Variants in RPGR observed in about 807,000 individuals in gnomAD.
RPGR encodes retinitis pigmentosa GTPase regulator, also known as X-linked retinitis pigmentosa GTPase regulator.
RPGR carries 10 observed loss-of-function variants against 56.3 expected under a neutral mutation model. That is an observed-to-expected ratio of 0.18 (90% CI 0.11 to 0.30). RPGR has a LOEUF of 0.30. Ranked by LOEUF, RPGR falls within the 10% of genes least tolerant of loss-of-function variation. The pLI, the probability that RPGR is intolerant of heterozygous loss-of-function variation, is 1.00. For synonymous variants in RPGR, 197 were observed against 212.9 expected (o/e 0.93, Z 0.65); for missense variants, 538 against 590.9 (o/e 0.91, Z 0.93).
chrX:38,327,345 A>G lies in RPGR; in HGVS notation c.23T>C (p.Met8Thr). The G allele has an allele frequency of 8.4e-7, 1 of 1,190,774 alleles. No individual in the cohort carries two copies. The highest frequency in any genetic ancestry group is 1.1e-6 in the Non-Finnish European group (1 of 886,711). ...CCGGCGCGGGCGCAACTCACCGGGC[A>G]TCAGCTCTTCCGGCTCCCTCATGCC... is the stretch of plus-strand genomic sequence containing the variant. Residue 8 changes from methionine (M) to threonine (T), a missense_variant, in exon 1 of 19, where the codon ATG (methionine) becomes ACG (threonine). Physicochemically the swap from Met to Thr is moderately conservative, Grantham distance 81 (BLOSUM62 -1). This residue lies in a region of RPGR where 181 missense variants were observed against 265.1 expected (regional missense o/e 0.68). Coordinates refer to ENST00000642395, the MANE Select transcript of RPGR (RefSeq NM_000328.3).
intron 11 of RPGR, among the ~76,000 whole-genome samples, chrX:38,295,083 C>T (rs955530156): frequency 3.6e-5 from 4 of 112,086 alleles, no homozygotes; most frequent in Non-Finnish European, 7.5e-5. Flanking sequence ...AGGTCTCTCA[C>T]GGCCTATAAA....
At chrX:38,311,745 C>T (rs1211022651) in intron 6 of RPGR, among the ~76,000 whole-genome samples, 1 of 111,500 alleles carries the variant, frequency 9.0e-6, no homozygotes, top group Non-Finnish European at 1.9e-5. Flanking sequence ...TATTGAGGGT[C>T]CTGAGTTTCA....
rs1401336377 is a variant in RPGR, at chrX:38,327,322, G to A, written c.28+18C>T. The A allele has an allele frequency of 5.1e-6, 6 of 1,181,683 alleles. No individual in the cohort carries two copies. Among genetic ancestry groups the A allele is most frequent in the Admixed American group, 2.3e-5 (1 of 43,232 alleles). On this transcript the variant is annotated intron_variant, in intron 1 of 18. Coordinates refer to ENST00000642395, the MANE Select transcript of RPGR (RefSeq NM_000328.3). The stretch of plus-strand genomic sequence containing the variant: ...CCCTCCCTCCCGGCCTTCCGCCACC[G>A]GCGCGGGCGCAACTCACCGGGCATC...
chrX:38,302,241 T>C (rs1272774198), intron 8 of RPGR, among the ~76,000 whole-genome samples: 1 of 110,898 alleles, frequency 9.0e-6, no homozygotes, highest in Non-Finnish European at 1.9e-5. Context: ...GAAGCAGAAG[T>C]AAGGGGTGTT....
chrX:38,281,751 AACC>A (rs887413624), intron 15 of RPGR, among the ~76,000 whole-genome samples: 10 of 111,450 alleles, frequency 9.0e-5, no homozygotes, highest in African/African-American at 1.3e-4. Flanking sequence ...GTCAAATAAC[AACC>A]ACCACCACCA....
At chrX:38,293,221 C>T (rs747994071) in intron 11 of RPGR, among the ~76,000 whole-genome samples, 4 of 111,206 alleles carry the variant, frequency 3.6e-5, no homozygotes, top group Admixed American at 1.9e-4. Context: ...TCTTAGGCTT[C>T]CTGGGCCATA....
Position 38,297,405 on chromosome X carries a change from T to C in RPGR, c.1293A>G (p.Ile431Met). The change falls in exon 11 of 19, where the codon ATA becomes ATG. Residue 431 changes from isoleucine to methionine, a missense_variant. By Grantham distance (10) the Ile-to-Met change is conservative. This residue lies in a region of RPGR where 357 missense variants were observed against 325.8 expected (regional missense o/e 1.10). Coordinates refer to ENST00000642395, the MANE Select transcript of RPGR (RefSeq NM_000328.3). The stretch of plus-strand genomic sequence containing the variant: ...AAGCAGAAAGGCCAAGAGTCCCTTC[T>C]ATTGGAGGTAGTGTTCTCCTCATTG... 8.3e-7 allele frequency: 1 copy of C among 1,209,555 alleles called. No homozygotes were observed.
chrX:38,293,853 T>C (rs1181718955), intron 11 of RPGR, among the ~76,000 whole-genome samples: 1 of 111,651 alleles, frequency 9.0e-6, no homozygotes, highest in African/African-American at 3.3e-5. Context: ...CAACTTTCCT[T>C]ATACTTTCTC....
At chrX:38,321,479 C>A (rs1004200507) in intron 3 of RPGR, among the ~76,000 whole-genome samples, 10 of 110,626 alleles carry the variant, frequency 9.0e-5, no homozygotes, top group Non-Finnish European at 1.5e-4. Context: ...ATGGTGAAAC[C>A]CCTTCTCTAC....
Position 38,289,534 on chromosome X carries a change from T to C in RPGR, c.1572+1425A>G, listed in dbSNP as rs757137119. ...TATCTAATGAATTTGGGTCTCTGGA[T>C]AGTAAAACCTCACTAATTCAAATTT... On this transcript the variant is annotated intron_variant, in intron 13 of 18. Coordinates refer to ENST00000642395, the MANE Select transcript of RPGR (RefSeq NM_000328.3). 9.8e-5 allele frequency among the ~76,000 whole-genome samples: 11 copies of C among 112,445 alleles called. No homozygotes were observed. The South Asian group carries it at 4.0e-3, about 41-fold the overall frequency.
chrX:38,320,640 A>AACAC (rs72350829), intron 4 of RPGR, among the ~76,000 whole-genome samples: 1 of 108,911 alleles, frequency 9.2e-6, no homozygotes, highest in Non-Finnish European at 1.9e-5. Context: ...AATTTCTACA[A>AACAC]ACACACACAC....
chrX:38,288,587 C>T (rs770814787), intron 13 of RPGR, among the ~76,000 whole-genome samples: 5 of 110,687 alleles, frequency 4.5e-5, no homozygotes, highest in African/African-American at 1.6e-4. Context: ...TGCCTGTAAT[C>T]CCAGCTACTC....
At chrX:38,286,360 T>C (rs1335380219) in intron 15 of RPGR, 1 of 711,448 alleles carries the variant, frequency 1.4e-6, no homozygotes, top group Non-Finnish European at 1.7e-6. Flanking sequence ...TCCTTCCTCC[T>C]CTTCCCCCTC....
At chrX:38,282,023 TATC>T (rs1426395680) in intron 15 of RPGR, among the ~76,000 whole-genome samples, 3 of 112,175 alleles carry the variant, frequency 2.7e-5, no homozygotes, top group African/African-American at 6.5e-5. Context: ...GAACAAAATT[TATC>T]ATCTTTTCCC....
intron 15 of RPGR, among the ~76,000 whole-genome samples, chrX:38,283,934 A>G (rs189322975): frequency 1.8e-5 from 2 of 111,946 alleles, no homozygotes; most frequent in African/African-American, 6.5e-5. Flanking sequence ...CTTTTCTACT[A>G]TCCCTTAATG....
intron 1 of RPGR, chrX:38,326,069 T>C (rs1346633142): frequency 8.9e-6 from 1 of 112,075 alleles, no homozygotes; most frequent in East Asian, 2.8e-4. Context: ...AATAATTGAG[T>C]TGGGAGACTA....
chrX:38,316,988 A>T (rs1294572691), intron 6 of RPGR, among the ~76,000 whole-genome samples: 1 of 111,329 alleles, frequency 9.0e-6, no homozygotes, highest in African/African-American at 3.3e-5. Flanking sequence ...AACATTTCCA[A>T]TATTTTAACT....
chrX:38,292,194 G>T (rs768437447), intron 11 of RPGR, among the ~76,000 whole-genome samples: 2 of 111,912 alleles, frequency 1.8e-5, no homozygotes, highest in Non-Finnish European at 3.8e-5. Flanking sequence ...CCCTATGAAA[G>T]AACCTGGGCC....
intron 3 of RPGR, among the ~76,000 whole-genome samples, chrX:38,322,448 T>C (rs2067961770): frequency 1.8e-5 from 2 of 112,387 alleles, no homozygotes; most frequent in African/African-American, 6.5e-5. Flanking sequence ...GTATGTTTTA[T>C]AAAACCAGCA....
Sources: allele counts gnomAD v4.1 joint callset (sites outside exome capture counted in the v4.1 genomes callset), GRCh38; gene constraint gnomAD v4.1.1; regional missense constraint gnomAD v4.1.1; transcripts MANE v1.5; gene names NCBI Gene and HGNC (gene_info 2026-07-23, HGNC 2026-07-21).